The following SPTB variants were observed in gnomAD, a reference collection of about 807,000 sequenced individuals.
The protein encoded by SPTB is spectrin beta chain, erythrocytic.
SPTB carries 45 observed loss-of-function variants against 256.2 expected under a neutral mutation model. The ratio of observed to expected loss-of-function variants is 0.18; its 90% CI spans 0.14 to 0.23. The LOEUF (loss-of-function observed/expected upper bound fraction) is 0.23. Among genes scored for constraint, SPTB ranks in the 10% least tolerant of loss-of-function variants. The pLI is 1.00. For missense variants in SPTB, 2,715 were observed against 3,040.4 expected (o/e 0.89, Z 2.52); for synonymous variants, 1,231 against 1,243.1 (o/e 0.99, Z 0.21).
intron 12 of SPTB, 24 bp from the exon 13 acceptor site, chr14:64,794,641 G>T: frequency 6.2e-7 from 1 of 1,611,402 alleles, no homozygotes; most frequent in Non-Finnish European, 8.5e-7. Context: ...CAGCAGAAAG[G>T]AAATGAGGAG....
At position 64,752,026 on chromosome 14, in the gene SPTB, G is replaced by A. The variant is rs188355192; in HGVS notation, c.6602+1511C>T. On this transcript the variant is annotated intron_variant, in intron 33 of 35. Transcript: ENST00000644917. ...GGAGAATCACTTGAATCTGGGAGGC[G>A]GAGGTTGCAGTGAGCCAAAATTGAG... is the stretch of plus-strand genomic sequence containing the variant. Among the ~76,000 whole-genome samples, 813 of 151,828 alleles carry A rather than the reference G, an allele frequency of 5.4e-3. 11 individuals carry two copies. Among genetic ancestry groups the A allele is most frequent in the African/African-American group, 0.019 (775 of 41,382 alleles).
chr14:64,774,326 G>A, intron 24 of SPTB, 71 bp downstream of exon 24: 1 of 1,516,516 alleles, frequency 6.6e-7, no homozygotes, highest in Non-Finnish European at 8.9e-7. Flanking sequence ...TAAATCTGAA[G>A]GGACGTTGGC....
chr14:64,757,523 C>T (rs1234916435), intron 32 of SPTB: 1 of 152,250 alleles, frequency 6.6e-6, no homozygotes, highest in African/African-American at 2.4e-5. Flanking sequence ...TTTGGCGTTC[C>T]TGACTGCTCC....
intron 32 of SPTB, chr14:64,754,289 GC>G: frequency 4.4e-6 from 1 of 229,814 alleles, no homozygotes; most frequent in South Asian, 6.6e-5. Context: ...TGTGCCTAAA[GC>G]CCTAAAACTA....
At chr14:64,788,502 C>G (rs559901979) in intron 15 of SPTB, among the ~76,000 whole-genome samples, 2 of 152,174 alleles carry the variant, frequency 1.3e-5, no homozygotes. Context: ...ATGAAGACCC[C>G]GTGCTCTGGG....
At chr14:64,854,585 C>T (rs1168908977) in intron 1 of SPTB, among the ~76,000 whole-genome samples, 7 of 152,002 alleles carry the variant, frequency 4.6e-5, no homozygotes, top group Non-Finnish European at 8.8e-5. Flanking sequence ...GCCAGTTTTC[C>T]GGAATCTTGA....
Position 64,801,743 on chromosome 14 carries a change from C to T in SPTB, c.647+11G>A, listed in dbSNP as rs1428432523. On this transcript the variant is annotated intron_variant, in intron 6 of 35. Transcript: ENST00000644917. ...CTCAGTCAGTCCCCACGGCTGTCCC[C>T]TCCCTCTTACCGGTGCTTGTGTATC... 1.2e-6 allele frequency: 2 copies of T among 1,613,518 alleles called. No homozygotes were observed. Among genetic ancestry groups the T allele is most frequent in the Non-Finnish European group, 1.7e-6 (2 of 1,179,600 alleles).
chr14:64,792,242 T>A lies in SPTB; in HGVS notation c.2667-386A>T, dbSNP rs1428841610. Among the ~76,000 whole-genome samples, 1 of 152,132 alleles carries A rather than the reference T, an allele frequency of 6.6e-6. No homozygotes were observed. The highest frequency in any genetic ancestry group is 1.9e-4 in the East Asian group (1 of 5,190). ...CCGGCTGTTGCTTTTGGACTCTGAG[T>A]CCAATGCCTTGACATCTTAACCCAA... On this transcript the variant is annotated intron_variant, in intron 14 of 35. Coordinates refer to ENST00000644917, the MANE Select transcript of SPTB (RefSeq NM_001355436.2). The surrounding 1 kb of genome is among the most constrained non-coding windows in gnomAD (Gnocchi z 4.2).
chr14:64,836,942 C>T (rs2083532384), intron 1 of SPTB, among the ~76,000 whole-genome samples: 1 of 152,144 alleles, frequency 6.6e-6, no homozygotes, highest in Non-Finnish European at 1.5e-5. Context: ...AGGAGCCAAA[C>T]CAGGCCAATG....
At position 64,852,719 on chromosome 14, in the gene SPTB, A is replaced by G. The variant is rs1044670024; in HGVS notation, c.-52+27073T>C. ...GGATGATGGTCCTATCAACCAAGGT[A>G]GTGATTACAAGACAAGGAGGAAGTT... On this transcript the variant is annotated intron_variant, in intron 1 of 35. Coordinates refer to ENST00000644917, the MANE Select transcript of SPTB (RefSeq NM_001355436.2). This position sits in a 1 kb window ranked among gnomAD's most constrained non-coding sequence, Gnocchi z 4.2. Among the ~76,000 whole-genome samples, 5 of 152,206 alleles carry G rather than the reference A, an allele frequency of 3.3e-5. No individual in the cohort carries two copies. Among genetic ancestry groups the G allele is most frequent in the African/African-American group, 9.7e-5 (4 of 41,436 alleles).
chr14:64,774,603 C>T, intron 23 of SPTB, 76 bp from the exon 24 acceptor site: 1 of 1,546,622 alleles, frequency 6.5e-7, no homozygotes, highest in Non-Finnish European at 8.7e-7. Flanking sequence ...TGCCCCCACT[C>T]CTGGAGGTGC....
At chr14:64,757,453 G>T (rs1160149149) in intron 32 of SPTB, 1 of 152,230 alleles carries the variant, frequency 6.6e-6, no homozygotes, top group Non-Finnish European at 1.5e-5. Flanking sequence ...CAAAAATTAT[G>T]TGGCCAGGTC....
At chr14:64,871,764 C>T (rs950811486) in intron 1 of SPTB, among the ~76,000 whole-genome samples, 1 of 152,208 alleles carries the variant, frequency 6.6e-6, no homozygotes, top group Non-Finnish European at 1.5e-5. Context: ...GACTTTTACT[C>T]TTCATTGTAT....
At chr14:64,763,800 TA>T (rs781556210) in intron 32 of SPTB, 1 of 518,832 alleles carries the variant, frequency 1.9e-6, no homozygotes, top group African/African-American at 1.9e-5. Flanking sequence ...TGCTCTAATG[TA>T]AAAAGGCAAG....
chr14:64,833,010 A>C (rs1772978105), intron 1 of SPTB, among the ~76,000 whole-genome samples: 1 of 152,230 alleles, frequency 6.6e-6, no homozygotes, highest in Admixed American at 6.5e-5. Context: ...AAGGAAGTTT[A>C]AAACCCATAA....
rs750883612 is a variant in SPTB at position 64,793,071 on chromosome 14, C to T, written c.2592G>A (p.Met864Ile). 3.1e-6 allele frequency: 5 copies of T among 1,614,116 alleles called. No homozygotes were observed. In the South Asian group the frequency reaches 5.5e-5, roughly 18 times the overall value. Residue 864 changes from methionine (M) to isoleucine (I), a missense_variant, in exon 14 of 36, where the codon ATG becomes ATA. By Grantham distance (10) the Met-to-Ile change is conservative. This residue lies in a region of SPTB where 2,239 missense variants were observed against 2,384.4 expected (regional missense o/e 0.94). Transcript: ENST00000644917. The surrounding 1 kb of genome is among the most constrained non-coding windows in gnomAD (Gnocchi z 7.0). ...CGGCCAGCCACTTCTCCTTCTCTCC[C>T]ATCCACAGCTCACAGGCGTCTGTCT... The part of the protein sequence containing the change: ...FGETDACELW[M>I]GEKEKWLAEM...
rs1214374691 is a variant in SPTB at position 64,824,323 on chromosome 14, T to C, written c.-51-1178A>G. Among the ~76,000 whole-genome samples, 1 of 151,740 alleles carries C rather than the reference T, an allele frequency of 6.6e-6. No homozygotes were observed. The highest frequency in any genetic ancestry group is 6.6e-5 in the Admixed American group (1 of 15,256). Reference sequence around the variant, plus strand: ...AAGGGAATAAAGAGTAGGTGTAAAGTCCTGAAGGTAAGAAAGAACACAGAA... The same window carrying C: ...AAGGGAATAAAGAGTAGGTGTAAAGCCCTGAAGGTAAGAAAGAACACAGAA... On this transcript the variant is annotated intron_variant, in intron 1 of 35. Coordinates refer to ENST00000644917, the MANE Select transcript of SPTB (RefSeq NM_001355436.2). This position sits in a 1 kb window ranked among gnomAD's most constrained non-coding sequence, Gnocchi z 5.7.
chr14:64,814,641 G>A (rs76719373), intron 2 of SPTB, among the ~76,000 whole-genome samples: 1 of 151,948 alleles, frequency 6.6e-6, no homozygotes, highest in Admixed American at 6.6e-5. Context: ...TCAGCCTCCC[G>A]AGTAGCTGGG....
At chr14:64,851,875 G>A (rs188901960) in intron 1 of SPTB, among the ~76,000 whole-genome samples, 49 of 152,104 alleles carry the variant, frequency 3.2e-4, no homozygotes, top group Admixed American at 2.2e-3. Context: ...GGGGGTGGAG[G>A]GGGGAGGGAG....
Sources: gnomAD v4.1 joint callset for allele counts (sites outside exome capture counted in the v4.1 genomes callset) on GRCh38, gnomAD v4.1.1 for gene constraint, gnomAD v4.1.1 regional missense constraint, Gnocchi (gnomAD v3.1) non-coding constraint, MANE v1.5 for transcripts, NCBI Gene and HGNC (gene_info 2026-07-23, HGNC 2026-07-21) for gene names.